DCAF8L2: variants seen among roughly 807,000 people sequenced by gnomAD.
DCAF8L2 encodes the protein DDB1 and CUL4 associated factor 8 like 2.
For synonymous variants in DCAF8L2, 200 were observed against 190.9 expected (o/e 1.05, Z -0.39); for missense variants, 430 against 490.7 (o/e 0.88, Z 1.17).
At chrX:27,520,790 C>T in the DCAF8L2 span, among the ~76,000 whole-genome samples, 3 of 111,806 alleles carry the variant, frequency 2.7e-5, no homozygotes, top group African/African-American at 9.7e-5. Context: ...TGTTATCTAT[C>T]TAAATTCAGA....
chrX:27,518,014 G>A, the DCAF8L2 span: 7 of 1,061,820 alleles, frequency 6.6e-6, no homozygotes, highest in African/African-American at 1.3e-4. Flanking sequence ...AAATAAAAAG[G>A]TGACACAGCA....
intron 3 of DCAF8L2, among the ~76,000 whole-genome samples, chrX:27,682,021 T>C (rs182742694): frequency 2.9e-3 from 328 of 111,798 alleles, no homozygotes; most frequent in Non-Finnish European, 4.8e-3. Flanking sequence ...TAGAGTGCAG[T>C]AGTGTGATCA....
chrX:27,601,672 C>G (rs1243301236), intron 1 of DCAF8L2, among the ~76,000 whole-genome samples: 3 of 108,593 alleles, frequency 2.8e-5, no homozygotes, highest in African/African-American at 1.0e-4. Flanking sequence ...TGCACTCCAG[C>G]CTGGGCGACA....
chrX:27,508,954 C>T, the DCAF8L2 span, among the ~76,000 whole-genome samples: 1 of 110,711 alleles, frequency 9.0e-6, no homozygotes, highest in African/African-American at 3.3e-5. Context: ...AACACACACC[C>T]ATAATTCCTT....
intron 1 of DCAF8L2, among the ~76,000 whole-genome samples, chrX:27,629,651 T>A (rs1049530364): frequency 2.7e-5 from 3 of 111,784 alleles, no homozygotes. Flanking sequence ...CTGGGCTTTT[T>A]ATTCTGTTCC....
chrX:27,547,121 C>T, the DCAF8L2 span, among the ~76,000 whole-genome samples: 1 of 111,911 alleles, frequency 8.9e-6, no homozygotes, highest in Non-Finnish European at 1.9e-5. Context: ...ATCTCTAGGG[C>T]AGGGGCAAAA....
chrX:27,525,480 C>G, the DCAF8L2 span, among the ~76,000 whole-genome samples: 1 of 111,740 alleles, frequency 8.9e-6, no homozygotes, highest in Non-Finnish European at 1.9e-5. Context: ...TTGACTCTAT[C>G]CAATTTGCCA....
At position 27,609,154 on chromosome X, in the gene DCAF8L2, C is replaced by T. The variant is rs925521831; in HGVS notation, c.-342+18714C>T. Among the ~76,000 whole-genome samples the T allele has an allele frequency of 5.9e-4, 66 of 111,674 alleles. 1 individual carries two copies. Among genetic ancestry groups the T allele is most frequent in the African/African-American group, 2.1e-3 (65 of 30,737 alleles). ...TATCTTTTTCACAAGGGCCTTATCT[C>T]TATTTTACAGATGAAGAAACTAAAA... On this transcript the variant is annotated intron_variant, in intron 1 of 4. Coordinates refer to ENST00000451261, the MANE Select transcript of DCAF8L2 (RefSeq NM_001353450.2).
At chrX:27,510,315 T>A in the DCAF8L2 span, among the ~76,000 whole-genome samples, 1 of 110,289 alleles carries the variant, frequency 9.1e-6, no homozygotes, top group East Asian at 2.8e-4. Context: ...GATGTAAATT[T>A]CAAATTTAGC....
intron 1 of DCAF8L2, among the ~76,000 whole-genome samples, chrX:27,622,161 A>T (rs1331348232): frequency 9.0e-6 from 1 of 111,300 alleles, no homozygotes; most frequent in Non-Finnish European, 1.9e-5. Flanking sequence ...TGCACCAAGC[A>T]GTATGTATAA....
the DCAF8L2 span, among the ~76,000 whole-genome samples, chrX:27,482,467 T>C: frequency 9.0e-6 from 1 of 111,546 alleles, no homozygotes; most frequent in Non-Finnish European, 1.9e-5. Flanking sequence ...CTTATCCTTA[T>C]TCTTCCTTCA....
At chrX:27,567,525 G>A in the DCAF8L2 span, among the ~76,000 whole-genome samples, 1 of 75,513 alleles carries the variant, frequency 1.3e-5, no homozygotes, top group African/African-American at 5.1e-5. Context: ...AATCTATTTT[G>A]TCTAAGGATC....
chrX:27,492,501 T>A, the DCAF8L2 span, among the ~76,000 whole-genome samples: 1 of 102,567 alleles, frequency 9.7e-6, no homozygotes, highest in Non-Finnish European at 2.0e-5. Flanking sequence ...TTTTTTGAGA[T>A]GGAGTTTTGC....
At chrX:27,649,306 T>G (rs1929061369) in intron 2 of DCAF8L2, among the ~76,000 whole-genome samples, 1 of 112,078 alleles carries the variant, frequency 8.9e-6, no homozygotes. Context: ...ATGATTTAGT[T>G]TCTTCTGGAT....
the DCAF8L2 span, among the ~76,000 whole-genome samples, chrX:27,472,596 T>C: frequency 3.6e-5 from 4 of 111,251 alleles, no homozygotes; most frequent in Non-Finnish European, 7.5e-5. Flanking sequence ...CCTGTATCCA[T>C]GTTTTCTCAT....
the DCAF8L2 span, among the ~76,000 whole-genome samples, chrX:27,502,335 A>AAAAAAAAAAAAATAT: frequency 7.9e-5 from 1 of 12,716 alleles, no homozygotes; most frequent in Non-Finnish European, 1.5e-4. Flanking sequence ...AAAAAAAAAA[A>AAAAAAAAAAAAATAT]ATATATATAT....
intron 4 of DCAF8L2, among the ~76,000 whole-genome samples, chrX:27,731,419 C>CA (rs1921201598): frequency 9.0e-6 from 1 of 110,602 alleles, no homozygotes; most frequent in Non-Finnish European, 1.9e-5. Context: ...AAACAAAAAA[C>CA]AAACAAACAC....
At chrX:27,641,186 CCTT>C (rs1338145820) in intron 2 of DCAF8L2, among the ~76,000 whole-genome samples, 4 of 111,535 alleles carry the variant, frequency 3.6e-5, no homozygotes, top group African/African-American at 1.3e-4. Context: ...TTTCTTCACT[CCTT>C]TGTGTAGATG....
intron 2 of DCAF8L2, among the ~76,000 whole-genome samples, chrX:27,643,616 T>G: frequency 9.0e-6 from 1 of 111,706 alleles, no homozygotes; most frequent in Non-Finnish European, 1.9e-5. Context: ...ATTAATAAAT[T>G]CAAAAGAGTA....
Sources: allele counts gnomAD v4.1 joint callset (sites outside exome capture counted in the v4.1 genomes callset), GRCh38; gene constraint gnomAD v4.1.1; transcripts MANE v1.5; gene names NCBI Gene and HGNC (gene_info 2026-07-23, HGNC 2026-07-21).